The following PLAC8L1 variants were observed in gnomAD, a reference collection of about 807,000 sequenced individuals.
The protein encoded by PLAC8L1 is PLAC8-like protein 1.
A neutral mutation model predicts 16.3 loss-of-function variants in PLAC8L1; 13 were observed. The observed-to-expected ratio is 0.80, with a 90% CI of 0.52 to 1.27. The LOEUF (loss-of-function observed/expected upper bound fraction) is 1.27, where lower values mean the gene tolerates loss of function less well. Ranked by LOEUF, PLAC8L1 falls within the 50% of genes most tolerant of loss-of-function variation. The pLI is 0.00. For missense variants in PLAC8L1, 184 were observed against 220.2 expected (o/e 0.84, Z 1.04); for synonymous variants, 78 against 79.3 (o/e 0.98, Z 0.09).
chr5:146,104,367 T>C lies in PLAC8L1; in HGVS notation c.-56A>G. 7.1e-7 allele frequency: 1 copy of C among 1,400,482 alleles called. No homozygotes were observed. Among genetic ancestry groups the C allele is most frequent in the Non-Finnish European group, 1.0e-6 (1 of 988,418 alleles). The allele number at this position is 1,400,482 out of a possible 1,614,324, so 86.8% of individuals were successfully genotyped here. A position where few individuals can be genotyped will look rare whatever the true frequency, so the allele number is the denominator to read the frequency against. On this transcript the variant is annotated 5_prime_UTR_variant, in exon 1 of 4. Transcript: ENST00000311450. Reference sequence around the variant, plus strand: ...ATCCTTTTTCCCTTTGGCAATAAGCTGGTTTCTAAACTTCGGATTAGTCCA... The same window carrying C: ...ATCCTTTTTCCCTTTGGCAATAAGCCGGTTTCTAAACTTCGGATTAGTCCA...
rs1324485060 is a variant in PLAC8L1 at position 146,104,353 on chromosome 5, C to T, written c.-42G>A. ...TTGTCCTTTGGGCTATCCTTTTTCC[C>T]TTTGGCAATAAGCTGGTTTCTAAAC... is the stretch of plus-strand genomic sequence containing the variant. On this transcript the variant is annotated 5_prime_UTR_variant, in exon 1 of 4. Coordinates refer to ENST00000311450, the MANE Select transcript of PLAC8L1 (RefSeq NM_001029869.3). 1 of 1,485,732 alleles carries T rather than the reference C, an allele frequency of 6.7e-7. No individual in the cohort carries two copies. Among genetic ancestry groups the T allele is most frequent in the Non-Finnish European group, 9.4e-7 (1 of 1,064,918 alleles). 92.0% of individuals were successfully genotyped at this position (1,485,732 alleles called of 1,614,324 possible). A position where few individuals can be genotyped will look rare whatever the true frequency, so the allele number is the denominator to read the frequency against.
At chr5:146,093,387 G>A (rs1763654845) in intron 2 of PLAC8L1, among the ~76,000 whole-genome samples, 1 of 152,038 alleles carries the variant, frequency 6.6e-6, no homozygotes, top group Non-Finnish European at 1.5e-5. Context: ...ATTTTTTAAG[G>A]TGCTGAACTG....
chr5:146,085,266 G>A (rs1421607286), intron 3 of PLAC8L1, among the ~76,000 whole-genome samples, 195 bp downstream of exon 3: 1 of 151,588 alleles, frequency 6.6e-6, no homozygotes, highest in African/African-American at 2.4e-5. Flanking sequence ...AAAATAATAT[G>A]GTATTTTAGT....
intron 2 of PLAC8L1, among the ~76,000 whole-genome samples, chr5:146,093,832 T>TAGA (rs1763664561): frequency 6.6e-6 from 1 of 152,182 alleles, no homozygotes; most frequent in Admixed American, 6.5e-5. Context: ...CTTGGGTATC[T>TAGA]ACTAGTTCCT....
chr5:146,092,968 C>T (rs1005163867), intron 2 of PLAC8L1, among the ~76,000 whole-genome samples: 3 of 151,636 alleles, frequency 2.0e-5, no homozygotes, highest in African/African-American at 7.3e-5. Flanking sequence ...TAAAATAAGC[C>T]AAAGGTACTA....
chr5:146,104,030 G>T (rs1435481926), intron 1 of PLAC8L1, 163 bp downstream of exon 1: 1 of 985,272 alleles, frequency 1.0e-6, no homozygotes, highest in Admixed American at 6.1e-5. Context: ...AGGCCAGAAG[G>T]AACAAATCAG....
chr5:146,084,634 T>C lies in PLAC8L1; in HGVS notation c.394-62A>G, dbSNP rs1428196165. On this transcript the variant is annotated intron_variant, in intron 3 of 3. Transcript: ENST00000311450. ...ACAGGCTCATTTTTCTTCCCCAGGG[T>C]CCTGTACAATGTTACCTCCTGGCCC... is the stretch of plus-strand genomic sequence containing the variant. The C allele has an allele frequency of 4.4e-6, 7 of 1,592,654 alleles. No individual in the cohort carries two copies. The African/African-American group carries it at 9.4e-5, about 21-fold the overall frequency.
At position 146,086,557 on chromosome 5, in the gene PLAC8L1, C is replaced by A. The variant is rs190621741; in HGVS notation, c.257-960G>T. Among the ~76,000 whole-genome samples the A allele has an allele frequency of 2.1e-3, 319 of 152,324 alleles. 1 individual carries two copies. The highest frequency in any genetic ancestry group is 2.1e-3 in the Non-Finnish European group (145 of 68,036). On this transcript the variant is annotated intron_variant, in intron 2 of 3. Transcript: ENST00000311450. ...TTGTTTTCTACATATTCTGCATGAA[C>A]CTTCCAACACAGAGGTTCTATTCTA... is the stretch of plus-strand genomic sequence containing the variant.
intron 2 of PLAC8L1, among the ~76,000 whole-genome samples, chr5:146,095,876 G>A (rs1364921635): frequency 6.6e-6 from 1 of 152,194 alleles, no homozygotes; most frequent in Non-Finnish European, 1.5e-5. Context: ...CCTAATAACA[G>A]TGCGTCTTGT....
intron 1 of PLAC8L1, among the ~76,000 whole-genome samples, chr5:146,101,526 G>C (rs1230923730): frequency 6.6e-6 from 1 of 152,120 alleles, no homozygotes; most frequent in Non-Finnish European, 1.5e-5. Flanking sequence ...CTGAGGTTGG[G>C]GGCATATGCT....
At chr5:146,088,255 T>C (rs887503499) in intron 2 of PLAC8L1, among the ~76,000 whole-genome samples, 6 of 152,204 alleles carry the variant, frequency 3.9e-5, no homozygotes, top group African/African-American at 1.2e-4. Flanking sequence ...AAACACCACT[T>C]CTGGCCAAGA....
intron 1 of PLAC8L1, among the ~76,000 whole-genome samples, chr5:146,099,091 T>C (rs1292372409): frequency 6.6e-6 from 1 of 152,178 alleles, no homozygotes; most frequent in Non-Finnish European, 1.5e-5. Flanking sequence ...TGAAAATCAG[T>C]TGTGCCTGAA....
In PLAC8L1 at chr5:146,094,350, G is replaced by T. The variant is rs1346765728; in HGVS notation, c.256+3806C>A. On this transcript the variant is annotated intron_variant, in intron 2 of 3. Transcript: ENST00000311450. The stretch of plus-strand genomic sequence containing the variant: ...CCACCTCGGCCTCCCAAAGTGCTGG[G>T]ATTACAGGTGTGAAGCCACCGCACC... Among the ~76,000 whole-genome samples the T allele has an allele frequency of 4.6e-5, 7 of 152,308 alleles. No homozygotes were observed. In the East Asian group the frequency reaches 1.3e-3, roughly 29 times the overall value.
In PLAC8L1 at chr5:146,104,416, T is replaced by TATTAAGGGAACATTCTTTCAA; in HGVS notation, c.-106_-105insTTGAAAGAATGTTCCCTTAAT. On this transcript the variant is annotated 5_prime_UTR_variant, in exon 1 of 4. In the 5' UTR this introduces an upstream ATG that the reference lacks. Coordinates refer to ENST00000311450, the MANE Select transcript of PLAC8L1 (RefSeq NM_001029869.3). ...CAAAGTGAAACATCTCTTGAAAGAA[T>TATTAAGGGAACATTCTTTCAA]GTTCCCTTAATATTCTGGAACCTGA... The TATTAAGGGAACATTCTTTCAA allele has an allele frequency of 2.2e-6, 2 of 920,304 alleles. No individual in the cohort carries two copies. Among genetic ancestry groups the TATTAAGGGAACATTCTTTCAA allele is most frequent in the Non-Finnish European group, 3.5e-6 (2 of 564,280 alleles). 57.0% of individuals were successfully genotyped at this position (920,304 alleles called of 1,614,324 possible).
At chr5:146,094,476 G>GAA (rs1488605633) in intron 2 of PLAC8L1, among the ~76,000 whole-genome samples, 3 of 152,208 alleles carry the variant, frequency 2.0e-5, no homozygotes, top group African/African-American at 7.2e-5. Context: ...TACATGGGAA[G>GAA]AAACTCAGTA....
chr5:146,095,402 G>C (rs937091226), intron 2 of PLAC8L1, among the ~76,000 whole-genome samples: 10 of 152,214 alleles, frequency 6.6e-5, no homozygotes, highest in Non-Finnish European at 1.2e-4. Flanking sequence ...TGCGGGTTGA[G>C]AGCAGAGGTG....
chr5:146,103,797 T>C, intron 1 of PLAC8L1: 1 of 985,428 alleles, frequency 1.0e-6, no homozygotes, highest in South Asian at 4.7e-5. Flanking sequence ...CACTCTTCCG[T>C]AATCACACTT....
intron 1 of PLAC8L1, among the ~76,000 whole-genome samples, chr5:146,099,824 G>A (rs1763784145): frequency 6.6e-6 from 1 of 152,050 alleles, no homozygotes; most frequent in African/African-American, 2.4e-5. Flanking sequence ...TCTGATTTCT[G>A]GCAATAAAGC....
intron 2 of PLAC8L1, among the ~76,000 whole-genome samples, chr5:146,089,295 TGAA>T (rs1310921955): frequency 1.3e-5 from 2 of 152,222 alleles, no homozygotes; most frequent in South Asian, 2.1e-4. Context: ...TACTGTACTT[TGAA>T]GAAGAAATCA....
Sources: allele counts gnomAD v4.1 joint callset (sites outside exome capture counted in the v4.1 genomes callset), GRCh38; gene constraint gnomAD v4.1.1; transcripts MANE v1.5; gene names NCBI Gene and HGNC (gene_info 2026-07-23, HGNC 2026-07-21).